ITSN2: variants seen among roughly 807,000 people sequenced by gnomAD.
ITSN2 encodes intersectin-2.
In ITSN2, 156 loss-of-function variants were observed where a neutral mutation model predicts 243.7. The ratio of observed to expected loss-of-function variants is 0.64; its 90% confidence interval spans 0.56 to 0.73. The LOEUF is 0.73. ITSN2 is among the 30% of genes least tolerant of loss of function. The pLI is 0.00. For missense variants in ITSN2, 1,801 were observed against 1,996.1 expected (o/e 0.90, Z 1.86); for synonymous variants, 703 against 699.9 (o/e 1.00, Z -0.07).
At chr2:24,313,980 T>C (rs771624718) in intron 3 of ITSN2, among the ~76,000 whole-genome samples, 9 of 152,196 alleles carry the variant, frequency 5.9e-5, no homozygotes, top group African/African-American at 1.4e-4. Context: ...CTTCTCAGAA[T>C]TGGGTTTGTA....
intron 17 of ITSN2, among the ~76,000 whole-genome samples, chr2:24,276,471 G>T (rs764149585): frequency 6.6e-6 from 1 of 152,172 alleles, no homozygotes; most frequent in East Asian, 1.9e-4. Context: ...TGACTCCCAC[G>T]TCTACAGACT....
intron 29 of ITSN2, among the ~76,000 whole-genome samples, chr2:24,245,641 G>A (rs1673266273): frequency 6.6e-6 from 1 of 152,038 alleles, no homozygotes; most frequent in Non-Finnish European, 1.5e-5. Flanking sequence ...ACCACACCCA[G>A]CTAATTTTGC....
chr2:24,330,417 G>A, intron 1 of ITSN2: 1 of 612,388 alleles, frequency 1.6e-6, no homozygotes. Flanking sequence ...CAAGAGAAAG[G>A]GTGAAGGGGA....
At chr2:24,280,755 T>C (rs1465037900) in intron 17 of ITSN2, among the ~76,000 whole-genome samples, 1 of 152,144 alleles carries the variant, frequency 6.6e-6, no homozygotes, top group Non-Finnish European at 1.5e-5. Context: ...TTCCTTTTTA[T>C]TGTTATCTAT....
chr2:24,307,545 A>G (rs2151715451), intron 8 of ITSN2, among the ~76,000 whole-genome samples: 1 of 152,340 alleles, frequency 6.6e-6, no homozygotes, highest in Admixed American at 6.5e-5. Flanking sequence ...CCTTGAATCT[A>G]TCCGTGTTCC....
At chr2:24,252,698 A>C (rs556821918) in intron 24 of ITSN2, among the ~76,000 whole-genome samples, 187 bp from the exon 25 acceptor site, 1 of 152,194 alleles carries the variant, frequency 6.6e-6, no homozygotes. Flanking sequence ...AATTCCTTAG[A>C]AAAAAGTTAT....
At chr2:24,217,671 TA>T (rs575866780) in intron 31 of ITSN2, among the ~76,000 whole-genome samples, 1 of 152,246 alleles carries the variant, frequency 6.6e-6, no homozygotes, top group African/African-American at 2.4e-5. Context: ...ATATGTTGTT[TA>T]ATGATTTAAT....
At chr2:24,290,617 C>T (rs186312164) in intron 15 of ITSN2, among the ~76,000 whole-genome samples, 1 of 152,208 alleles carries the variant, frequency 6.6e-6, no homozygotes, top group East Asian at 1.9e-4. Context: ...TGTTTAGCCT[C>T]CTAATTTATC....
intron 22 of ITSN2, among the ~76,000 whole-genome samples, chr2:24,258,797 C>A (rs1296598787): frequency 6.6e-6 from 1 of 152,168 alleles, no homozygotes; most frequent in Non-Finnish European, 1.5e-5. Context: ...CACTACTGAA[C>A]CTCTTCCAGA....
intron 29 of ITSN2, among the ~76,000 whole-genome samples, chr2:24,242,661 A>G (rs1016596159): frequency 1.3e-5 from 2 of 152,210 alleles, no homozygotes; most frequent in Admixed American, 1.3e-4. Context: ...AATTACTTCA[A>G]GTAAACAAAA....
At chr2:24,274,757 A>C (rs1178465800) in intron 18 of ITSN2, among the ~76,000 whole-genome samples, 1 of 152,148 alleles carries the variant, frequency 6.6e-6, no homozygotes, top group African/African-American at 2.4e-5. Context: ...AGGCCTGCCA[A>C]ATGGTAATGT....
At chr2:24,229,625 C>T (rs992651468) in intron 29 of ITSN2, among the ~76,000 whole-genome samples, 1 of 152,128 alleles carries the variant, frequency 6.6e-6, no homozygotes, top group Non-Finnish European at 1.5e-5. Context: ...CCAATTTCAA[C>T]AAACACCAAG....
intron 15 of ITSN2, among the ~76,000 whole-genome samples, chr2:24,292,581 A>G (rs1269396066): frequency 6.6e-6 from 1 of 152,214 alleles, no homozygotes; most frequent in African/African-American, 2.4e-5. Flanking sequence ...AGGGCCCTGC[A>G]CTAGCCCAAC....
At chr2:24,289,825 T>G (rs1193357964) in intron 15 of ITSN2, among the ~76,000 whole-genome samples, 3 of 152,180 alleles carry the variant, frequency 2.0e-5, no homozygotes, top group African/African-American at 4.8e-5. Context: ...TCAGTGTTAG[T>G]GGATTTTATG....
chr2:24,281,315 A>T (rs1678747626), intron 17 of ITSN2, among the ~76,000 whole-genome samples: 2 of 152,152 alleles, frequency 1.3e-5, no homozygotes, highest in Admixed American at 1.3e-4. Context: ...TAGGCGTGAG[A>T]CACCACGCCC....
chr2:24,296,186 T>C (rs1023695637), intron 13 of ITSN2, among the ~76,000 whole-genome samples: 5 of 152,250 alleles, frequency 3.3e-5, no homozygotes, highest in Admixed American at 6.5e-5. Flanking sequence ...TCTGAACTTC[T>C]ATTTCTACCC....
chr2:24,204,460 TA>T lies in ITSN2; in HGVS notation c.4763-43del. The T allele has an allele frequency of 6.3e-7, 1 of 1,589,360 alleles. No individual in the cohort carries two copies. The highest frequency in any genetic ancestry group is 8.6e-7 in the Non-Finnish European group (1 of 1,157,662). On this transcript the variant is annotated intron_variant, in intron 38 of 39. Coordinates refer to ENST00000355123, the MANE Select transcript of ITSN2 (RefSeq NM_006277.3). The surrounding 1 kb of genome is among the most constrained non-coding windows in gnomAD (Gnocchi z 5.1). ...CACAGACACATGTGGTGCATGCAGG[TA>T]AAACGAAGCGACTGACAGTGCCCTC... is the stretch of plus-strand genomic sequence containing the variant.
intron 36 of ITSN2, 72 bp from the exon 37 acceptor site, chr2:24,208,391 G>A (rs1299909186): frequency 3.6e-6 from 4 of 1,108,230 alleles, no homozygotes; most frequent in Non-Finnish European, 5.4e-6. Context: ...CCAGAGCTCT[G>A]CACATGTTCT....
At chr2:24,220,705 A>G in intron 30 of ITSN2, 3 of 1,319,344 alleles carry the variant, frequency 2.3e-6, no homozygotes, top group Non-Finnish European at 2.9e-6. Flanking sequence ...CTCCCGCTTC[A>G]CTCTGAGTGA....
Sources: gnomAD v4.1 joint callset for allele counts (sites outside exome capture counted in the v4.1 genomes callset) on GRCh38, gnomAD v4.1.1 for gene constraint, Gnocchi (gnomAD v3.1) non-coding constraint, MANE v1.5 for transcripts, NCBI Gene and HGNC (gene_info 2026-07-23, HGNC 2026-07-21) for gene names.